CHN2: variants seen among roughly 807,000 people sequenced by gnomAD.
CHN2 encodes the protein chimerin 2.
In CHN2, 35 loss-of-function variants were observed where a neutral mutation model predicts 56.3. The ratio of observed to expected loss-of-function variants is 0.62; its 90% CI spans 0.47 to 0.82. The LOEUF is 0.82. CHN2 is among the 40% of genes least tolerant of loss of function. CHN2 has a pLI of 0.00. For synonymous variants in CHN2, 210 were observed against 212.8 expected, an observed-to-expected ratio of 0.99 and a Z score of 0.12; for missense variants, 491 against 580.5, an observed-to-expected ratio of 0.85 and a Z score of 1.58.
chr7:29,401,513 G>C (rs780486675), intron 6 of CHN2, among the ~76,000 whole-genome samples: 1 of 152,106 alleles, frequency 6.6e-6, no homozygotes, highest in Non-Finnish European at 1.5e-5. Context: ...GGCCAAATAC[G>C]TGGTATTTGT....
intron 1 of CHN2, among the ~76,000 whole-genome samples, chr7:29,250,207 A>G (rs371519141): frequency 6.6e-6 from 1 of 152,370 alleles, no homozygotes; most frequent in South Asian, 2.1e-4. Flanking sequence ...TGTAGCTTTT[A>G]CAGCACCACC....
upstream of CHN2, among the ~76,000 whole-genome samples, chr7:29,190,391 G>A (rs1782736499): frequency 6.6e-6 from 1 of 152,200 alleles, no homozygotes; most frequent in African/African-American, 2.4e-5. Flanking sequence ...CACAGGGAAA[G>A]GGAATGACCT....
At chr7:29,211,396 G>C (rs761259692) in intron 1 of CHN2, among the ~76,000 whole-genome samples, 3 of 150,900 alleles carry the variant, frequency 2.0e-5, no homozygotes, top group Non-Finnish European at 4.4e-5. Flanking sequence ...GGTTTTAACA[G>C]ATCCATTCTG....
rs573677145 is a variant in CHN2, at chr7:29,479,832, A to G, written c.577-447A>G. The G allele has an allele frequency of 4.3e-5, 55 of 1,285,750 alleles. 1 individual carries two copies. In the South Asian group the frequency reaches 9.4e-4, roughly 22 times the overall value. 79.6% of individuals were successfully genotyped at this position (1,285,750 alleles called of 1,614,324 possible). ...CTGAATCCTCAGTGGCTGACTGGAT[A>G]CCGCTTCTGGGGGTTGCTGTGCACA... On this transcript the variant is annotated intron_variant, in intron 6 of 12. Coordinates refer to ENST00000222792, the MANE Select transcript of CHN2 (RefSeq NM_004067.4).
At chr7:29,287,219 C>A (rs1281453445) in intron 1 of CHN2, among the ~76,000 whole-genome samples, 1 of 152,186 alleles carries the variant, frequency 6.6e-6, no homozygotes. Flanking sequence ...GCTTGGTCTT[C>A]TTCACTGAAC....
At chr7:29,223,546 A>T (rs1198363364) in intron 1 of CHN2, among the ~76,000 whole-genome samples, 1 of 152,022 alleles carries the variant, frequency 6.6e-6, no homozygotes, top group Admixed American at 6.6e-5. Flanking sequence ...TATTTGGGTT[A>T]TTTTACTCAA....
At chr7:29,154,523 G>A (rs1335275652) in intron 2 of CHN2, among the ~76,000 whole-genome samples, 1 of 152,140 alleles carries the variant, frequency 6.6e-6, no homozygotes, top group Non-Finnish European at 1.5e-5. Flanking sequence ...GTTCACACCT[G>A]ATCGATATTT....
chr7:29,455,806 G>A (rs762012377), intron 6 of CHN2, among the ~76,000 whole-genome samples: 5 of 152,160 alleles, frequency 3.3e-5, no homozygotes, highest in South Asian at 2.1e-4. Flanking sequence ...CCCAGCCCGC[G>A]TGGGAACCTG....
intron 1 of CHN2, chr7:29,212,631 A>G (rs544443419): frequency 3.4e-5 from 48 of 1,411,992 alleles, no homozygotes; most frequent in South Asian, 4.6e-5. Context: ...TGTGTACTCA[A>G]TGATAGATTT....
intron 12 of CHN2, among the ~76,000 whole-genome samples, chr7:29,511,893 T>C (rs1011014104): frequency 1.3e-5 from 2 of 152,150 alleles, no homozygotes; most frequent in Non-Finnish European, 2.9e-5. Flanking sequence ...GTTTGAATTT[T>C]ATTCTTAAAG....
chr7:29,273,385 A>G (rs1233013295), intron 1 of CHN2, among the ~76,000 whole-genome samples: 2 of 52,986 alleles, frequency 3.8e-5, no homozygotes, highest in Non-Finnish European at 3.3e-5. Flanking sequence ...ATATATATAT[A>G]TATACACACA....
At chr7:29,510,817 G>A (rs978535085) in intron 12 of CHN2, among the ~76,000 whole-genome samples, 15 of 152,182 alleles carry the variant, frequency 9.9e-5, no homozygotes, top group Non-Finnish European at 1.6e-4. Context: ...GGCATGGATC[G>A]CTGAGGTCCA....
At chr7:29,158,585 T>C (rs149314414) in intron 2 of CHN2, among the ~76,000 whole-genome samples, 36 of 152,316 alleles carry the variant, frequency 2.4e-4, no homozygotes, top group Admixed American at 6.5e-4. Context: ...CAACATCCTC[T>C]ACGAGATCTG....
At chr7:29,352,744 CAAAA>C (rs905164301) in intron 1 of CHN2, among the ~76,000 whole-genome samples, 3 of 151,674 alleles carry the variant, frequency 2.0e-5, no homozygotes, top group African/African-American at 7.3e-5. Flanking sequence ...AAACAAAAAA[CAAAA>C]AAAGCAAAAA....
chr7:29,496,729 A>T (rs1789337491), intron 8 of CHN2, among the ~76,000 whole-genome samples: 1 of 152,228 alleles, frequency 6.6e-6, no homozygotes, highest in South Asian at 2.1e-4. Flanking sequence ...TTGGAGGTAT[A>T]CACCTATTGC....
At chr7:29,325,244 G>A (rs1795709440) in intron 1 of CHN2, among the ~76,000 whole-genome samples, 1 of 152,144 alleles carries the variant, frequency 6.6e-6, no homozygotes, top group African/African-American at 2.4e-5. Context: ...GACTCTCCCA[G>A]CGGGTTGGCC....
intron 6 of CHN2, among the ~76,000 whole-genome samples, chr7:29,413,830 T>A (rs1803470683): frequency 6.6e-6 from 1 of 152,224 alleles, no homozygotes; most frequent in South Asian, 2.1e-4. Flanking sequence ...AAACAAAGCG[T>A]TATATTAGGA....
At chr7:29,447,740 C>G (rs1784129128) in intron 6 of CHN2, among the ~76,000 whole-genome samples, 1 of 152,032 alleles carries the variant, frequency 6.6e-6, no homozygotes, top group Non-Finnish European at 1.5e-5. Flanking sequence ...GGTAGTTTTC[C>G]AGGTATATAG....
chr7:29,164,680 C>G (rs1230563564), intron 2 of CHN2, among the ~76,000 whole-genome samples: 1 of 148,722 alleles, frequency 6.7e-6, no homozygotes, highest in Non-Finnish European at 1.5e-5. Context: ...TCCCTGGTGG[C>G]TGAGGCAGGA....
Sources: gnomAD v4.1 joint callset for allele counts (sites outside exome capture counted in the v4.1 genomes callset) on GRCh38, gnomAD v4.1.1 for gene constraint, MANE v1.5 for transcripts, NCBI Gene and HGNC (gene_info 2026-07-23, HGNC 2026-07-21) for gene names.